Variants in ZNF43 observed in about 807,000 individuals in gnomAD.
The protein encoded by ZNF43 is zinc finger protein 39-like 1 (KOX 27).
In ZNF43, 44 loss-of-function variants were observed where a neutral mutation model predicts 68.4. The observed-to-expected ratio is 0.64, with a 90% CI of 0.51 to 0.83. The LOEUF is 0.83. Among genes scored for constraint, ZNF43 ranks in the 40% least tolerant of loss-of-function variants. The pLI, the probability that ZNF43 is intolerant of heterozygous loss-of-function variation, is 0.00. For missense variants in ZNF43, 896 were observed against 933.2 expected (o/e 0.96, Z 0.52); for synonymous variants, 308 against 307.8 (o/e 1.00, Z -0.01).
At chr19:21,831,533 G>A (rs949080780) in intron 1 of ZNF43, among the ~76,000 whole-genome samples, 2 of 151,850 alleles carry the variant, frequency 1.3e-5, no homozygotes, top group Admixed American at 6.6e-5. Context: ...GCTAATTTTT[G>A]TAATTTTAGT....
rs79601414 is a variant in ZNF43 at position 21,842,258 on chromosome 19, A to G, written c.30+9647T>C. 2.6e-5 allele frequency among the ~76,000 whole-genome samples: 4 copies of G among 151,750 alleles called. No individual in the cohort carries two copies. The South Asian group carries it at 8.3e-4, about 32-fold the overall frequency. Reference sequence around the variant, plus strand: ...ATCCTGTCTCTAATAAAAATACAAAAATTAGCTAGGTATGGTGGTGCATGC... The same window carrying G: ...ATCCTGTCTCTAATAAAAATACAAAGATTAGCTAGGTATGGTGGTGCATGC... On this transcript the variant is annotated intron_variant, in intron 1 of 3. Coordinates refer to the ZNF43 transcript ENST00000357491.
chr19:21,809,852 G>A, intron 3 of ZNF43, 45 bp from the exon 4 acceptor site: 1 of 1,460,162 alleles, frequency 6.8e-7, no homozygotes, highest in Non-Finnish European at 9.1e-7. Flanking sequence ...GCTAGACTCA[G>A]AGATAAATAT....
chr19:21,815,828 A>T (rs986486923), intron 3 of ZNF43, among the ~76,000 whole-genome samples: 16 of 151,848 alleles, frequency 1.1e-4, no homozygotes, highest in Admixed American at 9.2e-4. Context: ...AGAGGCTGAG[A>T]TGGGTGGATC....
chr19:21,808,660 A>T lies in ZNF43; in HGVS notation c.1377T>A (p.Cys459Ter), dbSNP rs201252231. 4.1e-4 allele frequency: 666 copies of T among 1,613,630 alleles called. 1 individual carries two copies. The highest frequency in any genetic ancestry group is 5.5e-4 in the Non-Finnish European group (650 of 1,179,918). Residue 459 changes from cysteine (C) to a stop codon, truncating the protein, a stop_gained, in exon 4 of 4, where the codon TGT becomes TGA. Coordinates refer to ENST00000354959, the MANE Select transcript of ZNF43 (RefSeq NM_003423.4). LOFTEE classifies it high-confidence loss of function. ...TGEKPYKCEV[C>*]GKAFNQFSNL... ...TTGAGAACTGGTTAAAGGCTTTGCC[A>T]CATACTTCACATTTGTAGGGTTTCT...
At chr19:21,835,991 C>T (rs1424893702) in intron 1 of ZNF43, 45 bp downstream of exon 1, 2 of 1,613,358 alleles carry the variant, frequency 1.2e-6, no homozygotes, top group Admixed American at 3.3e-5. Flanking sequence ...CTGAGTCACG[C>T]CACAGCCCCT....
intron 1 of ZNF43, among the ~76,000 whole-genome samples, chr19:21,835,560 T>C (rs1293262206): frequency 2.0e-5 from 3 of 151,690 alleles, no homozygotes; most frequent in East Asian, 2.0e-4. Context: ...GTTCACCATA[T>C]TAGCCAGGCT....
chr19:21,836,054 G>T lies in ZNF43; in HGVS notation c.-16C>A. 1.2e-6 allele frequency: 2 copies of T among 1,613,996 alleles called. No individual in the cohort carries two copies. The highest frequency in any genetic ancestry group is 1.7e-6 in the Non-Finnish European group (2 of 1,179,854). ...CTCTCACCATTTCTAGGCTTCCGGGGGGTCCTGGCGTCTTAGCTGTGGATC... is the reference window on the plus strand; with the variant it reads ...CTCTCACCATTTCTAGGCTTCCGGGTGGTCCTGGCGTCTTAGCTGTGGATC... On this transcript the variant is annotated 5_prime_UTR_variant, in exon 1 of 4. Transcript: ENST00000354959.
rs1237903989 is a variant in ZNF43, at chr19:21,811,526, C to A, written c.230-1719G>T. ...CTCCAGCCTGGGCAACAGAGCGAGACTCTGTCTCTAAAAAAAAAAACAAAA... is the reference window on the plus strand; with the variant it reads ...CTCCAGCCTGGGCAACAGAGCGAGAATCTGTCTCTAAAAAAAAAAACAAAA... On this transcript the variant is annotated intron_variant, in intron 3 of 3. Coordinates refer to ENST00000354959, the MANE Select transcript of ZNF43 (RefSeq NM_003423.4). Among the ~76,000 whole-genome samples, 5 of 147,854 alleles carry A rather than the reference C, an allele frequency of 3.4e-5. No homozygotes were observed. The East Asian group carries it at 8.1e-4, about 24-fold the overall frequency.
upstream of ZNF43, chr19:21,840,406 G>A (rs1967441369): frequency 1.3e-5 from 2 of 152,238 alleles, no homozygotes; most frequent in African/African-American, 4.8e-5. Context: ...CTTAGTATTA[G>A]AGTCAACACA....
chr19:21,844,921 A>AAAAAAAAAAAATATATATATATAT (rs1310761266), intron 1 of ZNF43, among the ~76,000 whole-genome samples: 3 of 26,050 alleles, frequency 1.2e-4, no homozygotes, highest in African/African-American at 4.4e-4. Flanking sequence ...AAAAAAAAAA[A>AAAAAAAAAAAATATATATATATAT]ATATATATAT....
rs2037112807 is a variant in ZNF43 at position 21,808,813 on chromosome 19, C to CTTGG, written c.1223_1224insCCAA (p.Lys408AsnfsTer9). 6.2e-7 allele frequency: 1 copy of CTTGG among 1,605,932 alleles called. No homozygotes were observed. Among genetic ancestry groups the CTTGG allele is most frequent in the Non-Finnish European group, 8.5e-7 (1 of 1,177,720 alleles). ...TATGTTCAGTAAGCTTTGAGGACCACTTAAAAGCTTTGCCACATTCTTCAC... is the reference window on the plus strand; with the variant it reads ...TATGTTCAGTAAGCTTTGAGGACCACTTGGTTAAAAGCTTTGCCACATTCTTCAC... On this transcript the variant is annotated frameshift_variant, in exon 4 of 4. Transcript: ENST00000354959. LOFTEE classifies it high-confidence loss of function.
rs1355255739 is a variant in ZNF43 at position 21,846,991 on chromosome 19, G to A, written c.30+4914C>T. Among the ~76,000 whole-genome samples, 5 of 152,198 alleles carry A rather than the reference G, an allele frequency of 3.3e-5. No individual in the cohort carries two copies. In the South Asian group the frequency reaches 6.2e-4, roughly 19 times the overall value. ...CTAAAACCAGGGAAAAATCCCATCAGGTAGGTGCTGGGCGTAGCAATATGC... is the reference window on the plus strand; with the variant it reads ...CTAAAACCAGGGAAAAATCCCATCAAGTAGGTGCTGGGCGTAGCAATATGC... On this transcript the variant is annotated intron_variant, in intron 1 of 3. Transcript: ENST00000357491.
chr19:21,839,077 C>T (rs941232694), upstream of ZNF43: 2 of 152,028 alleles, frequency 1.3e-5, no homozygotes, highest in South Asian at 2.1e-4. Context: ...AGCAATATAT[C>T]ACAATACCCA....
intron 3 of ZNF43, among the ~76,000 whole-genome samples, chr19:21,814,502 C>T (rs530460210): frequency 1.1e-4 from 16 of 151,902 alleles, no homozygotes; most frequent in African/African-American, 2.9e-4. Flanking sequence ...CTCCACTTCC[C>T]GGGTTTGAGC....
chr19:21,835,370 T>TC (rs2038662035), intron 1 of ZNF43, among the ~76,000 whole-genome samples: 1 of 148,468 alleles, frequency 6.7e-6, no homozygotes, highest in Non-Finnish European at 1.5e-5. Context: ...TTTTTTTTTT[T>TC]TTTTCCAGAG....
chr19:21,827,536 A>G (rs1010040650), intron 1 of ZNF43, among the ~76,000 whole-genome samples: 2 of 140,950 alleles, frequency 1.4e-5, no homozygotes, highest in African/African-American at 2.7e-5. Flanking sequence ...TAATTTTTCT[A>G]TTTTTGGCAG....
intron 1 of ZNF43, among the ~76,000 whole-genome samples, chr19:21,825,166 G>A (rs1172755696): frequency 6.6e-6 from 1 of 152,066 alleles, no homozygotes; most frequent in African/African-American, 2.4e-5. Flanking sequence ...CTTGGGAAGT[G>A]GGGGTTGCAG....
chr19:21,829,351 T>C (rs2038314202), intron 1 of ZNF43, among the ~76,000 whole-genome samples: 1 of 152,224 alleles, frequency 6.6e-6, no homozygotes, highest in African/African-American at 2.4e-5. Context: ...TAGATTACCT[T>C]GGATTATCAG....
intron 3 of ZNF43, among the ~76,000 whole-genome samples, chr19:21,810,388 A>C (rs1421867297): frequency 1.3e-5 from 2 of 152,210 alleles, no homozygotes; most frequent in Non-Finnish European, 2.9e-5. Context: ...AACAGAGTGT[A>C]AACTTTCTTA....
Sources: gnomAD v4.1 joint callset for allele counts (sites outside exome capture counted in the v4.1 genomes callset) on GRCh38, gnomAD v4.1.1 for gene constraint, MANE v1.5 for transcripts, NCBI Gene and HGNC (gene_info 2026-07-23, HGNC 2026-07-21) for gene names.